Variants in CHSY3 observed in about 807,000 individuals in gnomAD.
CHSY3 encodes the protein chondroitin sulfate synthase 3, also known as N-acetylgalactosaminyl-proteoglycan 3-beta-glucuronosyltransferase 3.
A neutral mutation model predicts 67.2 loss-of-function variants in CHSY3; 35 were observed. The ratio of observed to expected loss-of-function variants is 0.52; its 90% CI spans 0.40 to 0.69. The LOEUF (loss-of-function observed/expected upper bound fraction) is 0.69, where lower values mean the gene tolerates loss of function less well. Ranked by LOEUF, CHSY3 falls within the 30% of genes least tolerant of loss-of-function variation. CHSY3 has a pLI of 0.00. For missense variants in CHSY3, 1,069 were observed against 1,138.5 expected (o/e 0.94, Z 0.88); for synonymous variants, 474 against 434.7 (o/e 1.09, Z -1.12).
Position 130,009,520 on chromosome 5 carries a change from A to C in CHSY3, c.1086+101160A>C, listed in dbSNP as rs924512356. Among the ~76,000 whole-genome samples, 7 of 152,138 alleles carry C rather than the reference A, an allele frequency of 4.6e-5. No individual in the cohort carries two copies. The South Asian group carries it at 1.5e-3, about 32-fold the overall frequency. ...CTGGCCACCAAAAAAAAAAAGAAGA[A>C]AGAAAGAAAAAAGTAAAACCACTCA... On this transcript the variant is annotated intron_variant, in intron 2 of 2. Coordinates refer to ENST00000305031, the MANE Select transcript of CHSY3 (RefSeq NM_175856.5).
At chr5:130,121,804 T>C (rs1473350924) in intron 2 of CHSY3, among the ~76,000 whole-genome samples, 2 of 152,118 alleles carry the variant, frequency 1.3e-5, no homozygotes, top group East Asian at 3.9e-4. Flanking sequence ...CCAAATTGCT[T>C]ATCTTTTTTT....
intron 2 of CHSY3, among the ~76,000 whole-genome samples, chr5:130,088,376 A>AGG (rs1420520417): frequency 0.016 from 2,016 of 126,378 alleles, 88 homozygotes; most frequent in African/African-American, 0.036. Context: ...ATTAAACTAA[A>AGG]GATCTAATTA....
At chr5:129,977,909 C>A (rs557225601) in intron 2 of CHSY3, among the ~76,000 whole-genome samples, 1 of 148,704 alleles carries the variant, frequency 6.7e-6, no homozygotes, top group African/African-American at 2.5e-5. Context: ...AGAACAACAA[C>A]AACAAAAATA....
intron 2 of CHSY3, among the ~76,000 whole-genome samples, chr5:130,169,090 G>T (rs1278184208): frequency 6.6e-6 from 1 of 152,106 alleles, no homozygotes; most frequent in South Asian, 2.1e-4. Context: ...TATTGTCATA[G>T]AGTATAGTAT....
intron 2 of CHSY3, among the ~76,000 whole-genome samples, chr5:130,183,642 T>C (rs1770315982): frequency 6.6e-6 from 1 of 152,120 alleles, no homozygotes; most frequent in African/African-American, 2.4e-5. Flanking sequence ...TCATTTGCAA[T>C]ATTTGAGCCT....
intron 2 of CHSY3, chr5:130,141,550 A>G: frequency 2.4e-6 from 1 of 411,168 alleles, no homozygotes; most frequent in South Asian, 2.1e-5. Context: ...GGGCCATTTG[A>G]GCAAGGAAGA....
At chr5:130,052,133 A>G (rs1183651567) in intron 2 of CHSY3, 3 of 152,146 alleles carry the variant, frequency 2.0e-5, no homozygotes, top group African/African-American at 4.8e-5. Context: ...GGTCATTCCC[A>G]CAGCTCCTGC....
chr5:130,153,377 AG>A (rs1468855120), intron 2 of CHSY3, among the ~76,000 whole-genome samples: 1 of 151,936 alleles, frequency 6.6e-6, no homozygotes, highest in East Asian at 1.9e-4. Context: ...CCCTTCTCCT[AG>A]CCATTCTGAC....
At chr5:130,178,247 ATATATATTTT>A (rs1455794815) in intron 2 of CHSY3, among the ~76,000 whole-genome samples, 5 of 69,262 alleles carry the variant, frequency 7.2e-5, no homozygotes, top group African/African-American at 3.9e-4. Context: ...ATATATATAT[ATATATATTTT>A]TTTTTTTTTT....
chr5:130,013,238 T>G (rs1764119423), intron 2 of CHSY3, among the ~76,000 whole-genome samples: 1 of 152,142 alleles, frequency 6.6e-6, no homozygotes. Context: ...AGGCTGGCAT[T>G]GAGTGTCCCT....
chr5:129,906,051 G>A, intron 1 of CHSY3: 1 of 183,532 alleles, frequency 5.4e-6, no homozygotes, highest in Non-Finnish European at 1.1e-5. Context: ...GGAAGACGGA[G>A]GATGCTAGCT....
chr5:130,155,802 T>G (rs1273453334), intron 2 of CHSY3, among the ~76,000 whole-genome samples: 1 of 152,202 alleles, frequency 6.6e-6, no homozygotes, highest in African/African-American at 2.4e-5. Context: ...CACTGCATAG[T>G]TCCTGGAGTG....
intron 2 of CHSY3, among the ~76,000 whole-genome samples, chr5:129,935,127 T>A (rs2149591047): frequency 6.6e-6 from 1 of 152,336 alleles, no homozygotes; most frequent in Middle Eastern, 3.4e-3. Context: ...TGAGAAAATT[T>A]TAAGAATTCA....
intron 2 of CHSY3, among the ~76,000 whole-genome samples, chr5:129,992,263 A>G (rs1048661465): frequency 6.6e-6 from 1 of 152,200 alleles, no homozygotes; most frequent in African/African-American, 2.4e-5. Flanking sequence ...TTAAAATCTG[A>G]CTAGAATTCA....
chr5:130,077,769 CCTA>C (rs1197035126), intron 2 of CHSY3, among the ~76,000 whole-genome samples: 4 of 151,738 alleles, frequency 2.6e-5, no homozygotes, highest in Non-Finnish European at 5.9e-5. Flanking sequence ...TTTTAATAAA[CCTA>C]CTTGTAGTTC....
intron 2 of CHSY3, among the ~76,000 whole-genome samples, chr5:130,146,594 T>C (rs1294079721): frequency 4.6e-5 from 7 of 152,108 alleles, no homozygotes. Context: ...CATTATGAAA[T>C]ATCAGAAGAT....
At chr5:130,181,470 C>G (rs930656362) in intron 2 of CHSY3, among the ~76,000 whole-genome samples, 2 of 152,078 alleles carry the variant, frequency 1.3e-5, no homozygotes, top group Non-Finnish European at 2.9e-5. Context: ...CTCTCTGTCT[C>G]TCTCTCCAGG....
rs556182642 is a variant in CHSY3 at position 130,164,033 on chromosome 5, A to C, written c.1087-20196A>C. On this transcript the variant is annotated intron_variant, in intron 2 of 2. Transcript: ENST00000305031. ...GAATTTTCTCTTCAAGTGAACGACT[A>C]CTTGGAAACCTAATATGTAACAGCT... 2.0e-5 allele frequency among the ~76,000 whole-genome samples: 3 copies of C among 152,188 alleles called. No homozygotes were observed. The South Asian group carries it at 6.2e-4, about 32-fold the overall frequency.
chr5:130,142,372 C>G lies in CHSY3; in HGVS notation c.1087-41857C>G, dbSNP rs149738914. ...GGTGGAACATTTATTCTCAATCACT[C>G]AAACATTTATTCTCCAAAGTAAGAG... is the stretch of plus-strand genomic sequence containing the variant. On this transcript the variant is annotated intron_variant, in intron 2 of 2. Coordinates refer to ENST00000305031, the MANE Select transcript of CHSY3 (RefSeq NM_175856.5). 9.3e-3 allele frequency among the ~76,000 whole-genome samples: 1,419 copies of G among 152,228 alleles called. 27 individuals are homozygous for G. Among genetic ancestry groups the G allele is most frequent in the African/African-American group, 0.033 (1,357 of 41,554 alleles).
Sources: gnomAD v4.1 joint callset for allele counts (sites outside exome capture counted in the v4.1 genomes callset) on GRCh38, gnomAD v4.1.1 for gene constraint, MANE v1.5 for transcripts, NCBI Gene and HGNC (gene_info 2026-07-23, HGNC 2026-07-21) for gene names.